Variants in CAST observed in about 807,000 individuals in gnomAD.
The protein encoded by CAST is calpastatin, also known as MIR583 host.
CAST carries 76 observed loss-of-function variants against 119.6 expected under a neutral mutation model. The ratio of observed to expected loss-of-function variants is 0.64; its 90% CI spans 0.53 to 0.77. CAST has a LOEUF of 0.77. Ranked by LOEUF, CAST falls within the 30% of genes least tolerant of loss-of-function variation. The probability of loss-of-function intolerance (pLI) is 0.00; values close to 1 mark genes in which losing one functional copy is unlikely to be tolerated. For missense variants in CAST, 953 were observed against 946.5 expected, an observed-to-expected ratio of 1.01 and a Z score of -0.09; for synonymous variants, 319 against 331.6, an observed-to-expected ratio of 0.96 and a Z score of 0.41.
chr5:96,621,720 A>C (rs901490384), intron 1 of CAST, among the ~76,000 whole-genome samples: 7 of 152,212 alleles, frequency 4.6e-5, no homozygotes, highest in Admixed American at 4.6e-4. Context: ...ACACAGAGCC[A>C]AACCATATCA....
At chr5:96,137,026 C>T in the CAST span, among the ~76,000 whole-genome samples, 20 of 152,252 alleles carry the variant, frequency 1.3e-4, no homozygotes, top group East Asian at 3.5e-3. Flanking sequence ...GCAGGCTATC[C>T]TGGTATCCTT....
In CAST at chr5:96,765,280, G is replaced by A. The variant is rs1238982102; in HGVS notation, c.1992G>A (p.Arg664=). 2 of 1,585,398 alleles carry A rather than the reference G, an allele frequency of 1.3e-6. No homozygotes were observed. Among genetic ancestry groups the A allele is most frequent in the South Asian group, 1.1e-5 (1 of 90,276 alleles). ...LDKLSDSLGQ[R]QPDPDENKPM... is the part of the protein sequence containing the mutation. ...AACTCTCTGACAGTCTAGGACAAAG[G>A]CAGCCTGACCCAGATGAGAACAAAC... is the stretch of plus-strand genomic sequence containing the variant. Residue 664 remains arginine (R), a synonymous_variant, in exon 26 of 32, where the codon AGG becomes AGA. Transcript: ENST00000675179.
At chr5:96,274,806 T>C in the CAST span, among the ~76,000 whole-genome samples, 1 of 152,226 alleles carries the variant, frequency 6.6e-6, no homozygotes, top group Admixed American at 6.5e-5. Flanking sequence ...TACAACTTTC[T>C]TTTTCATTCT....
the CAST span, among the ~76,000 whole-genome samples, chr5:96,323,049 C>G: frequency 6.6e-6 from 1 of 152,144 alleles, no homozygotes. Context: ...ACCTGCCTAC[C>G]TTGCTTTTTG....
chr5:95,961,899 T>G, the CAST span: 80 of 716,426 alleles, frequency 1.1e-4, no homozygotes, highest in Admixed American at 4.7e-4. Flanking sequence ...CGCCCCACCC[T>G]CCGGCCCCGC....
At chr5:96,719,308 G>A (rs370208962) in intron 3 of CAST, among the ~76,000 whole-genome samples, 2 of 152,108 alleles carry the variant, frequency 1.3e-5, no homozygotes, top group African/African-American at 2.4e-5. Flanking sequence ...CTACAGGCGC[G>A]TGCCACCACA....
chr5:96,740,039 A>G lies in CAST; in HGVS notation c.800A>G (p.Asp267Gly). ...CCTATGTGTATGATTTTGTTCCAGGATCCAATGAGTTCCACCTACATAGAG... is the reference window on the plus strand; with the variant it reads ...CCTATGTGTATGATTTTGTTCCAGGGTCCAATGAGTTCCACCTACATAGAG... ...NTTYTGPEVS[D>G]PMSSTYIEEL... Residue 267 changes from aspartate to glycine, a missense_variant and splice_region_variant, in exon 12 of 32, where the codon GAT becomes GGT. Transcript: ENST00000675179. The G allele has an allele frequency of 6.6e-7, 1 of 1,523,006 alleles. No homozygotes were observed. Among genetic ancestry groups the G allele is most frequent in the Non-Finnish European group, 9.0e-7 (1 of 1,108,160 alleles). The allele number at this position is 1,523,006 out of a possible 1,614,324, so 94.3% of individuals were successfully genotyped here. A position where few individuals can be genotyped will look rare whatever the true frequency, so the allele number is the denominator to read the frequency against.
chr5:96,086,485 T>C, the CAST span, among the ~76,000 whole-genome samples: 1 of 152,214 alleles, frequency 6.6e-6, no homozygotes, highest in African/African-American at 2.4e-5. Flanking sequence ...CAGGGTGCAT[T>C]GCATGTATCT....
At chr5:96,538,725 A>G (rs1745862192) in intron 1 of CAST, among the ~76,000 whole-genome samples, 1 of 126,002 alleles carries the variant, frequency 7.9e-6, no homozygotes, top group Non-Finnish European at 1.7e-5. Context: ...CTTCACTCAT[A>G]CATAAGACCC....
At chr5:96,623,949 T>C (rs1747667597) in intron 1 of CAST, among the ~76,000 whole-genome samples, 1 of 152,044 alleles carries the variant, frequency 6.6e-6, no homozygotes, top group Admixed American at 6.5e-5. Flanking sequence ...TCCTCCCACC[T>C]CACCTTCCCA....
the CAST span, among the ~76,000 whole-genome samples, chr5:96,293,617 T>C: frequency 6.6e-6 from 1 of 151,810 alleles, no homozygotes; most frequent in Non-Finnish European, 1.5e-5. Context: ...TCTTTAGGGG[T>C]TCCTCTTTCT....
At chr5:96,521,228 C>A (rs937433929), upstream of CAST, among the ~76,000 whole-genome samples, 2 of 152,164 alleles carry the variant, frequency 1.3e-5, no homozygotes, top group African/African-American at 4.8e-5. Flanking sequence ...CAAACTAAGC[C>A]AATTTGATCA....
upstream of CAST, among the ~76,000 whole-genome samples, chr5:96,657,558 C>T (rs1748181327): frequency 6.6e-6 from 1 of 152,004 alleles, no homozygotes; most frequent in Admixed American, 6.5e-5. Context: ...AAATTGATTC[C>T]TATGAATGAC....
intron 1 of CAST, among the ~76,000 whole-genome samples, chr5:96,596,687 C>T (rs1747055836): frequency 6.6e-6 from 1 of 152,154 alleles, no homozygotes; most frequent in African/African-American, 2.4e-5. Flanking sequence ...TGATGGAACA[C>T]AGCAGCCCAC....
chr5:96,669,797 C>T (rs1404845403), intron 1 of CAST, among the ~76,000 whole-genome samples: 3 of 152,156 alleles, frequency 2.0e-5, no homozygotes, highest in South Asian at 2.1e-4. Flanking sequence ...GTTTGAGGAG[C>T]GGAAACTTCC....
chr5:96,152,506 C>A, the CAST span, among the ~76,000 whole-genome samples: 2 of 152,110 alleles, frequency 1.3e-5, no homozygotes, highest in Non-Finnish European at 2.9e-5. Context: ...TGACTGAGAG[C>A]CCCTGCTTTC....
chr5:96,576,043 T>G (rs1044575357), intron 1 of CAST, among the ~76,000 whole-genome samples: 1 of 152,248 alleles, frequency 6.6e-6, no homozygotes, highest in Admixed American at 6.5e-5. Context: ...GAACCAGCCT[T>G]GCATACCCAG....
intron 1 of CAST, among the ~76,000 whole-genome samples, chr5:96,556,057 T>TCCGC (rs1746231698): frequency 6.6e-6 from 1 of 152,190 alleles, no homozygotes; most frequent in Admixed American, 6.5e-5. Flanking sequence ...TTCACCAATA[T>TCCGC]CCGCTGTTCT....
At chr5:95,986,782 G>C in the CAST span, among the ~76,000 whole-genome samples, 1 of 152,204 alleles carries the variant, frequency 6.6e-6, no homozygotes, top group Non-Finnish European at 1.5e-5. Flanking sequence ...CCTAGAAGCT[G>C]AGTAGCCTCA....
Sources: allele counts gnomAD v4.1 joint callset (sites outside exome capture counted in the v4.1 genomes callset), GRCh38; gene constraint gnomAD v4.1.1; transcripts MANE v1.5; gene names NCBI Gene and HGNC (gene_info 2026-07-23, HGNC 2026-07-21).